The following MAD1L1 variants were observed in gnomAD, a reference collection of about 807,000 sequenced individuals.
MAD1L1 encodes the protein mitotic spindle assembly checkpoint protein MAD1.
Under a neutral mutation model 96.9 loss-of-function variants are expected in MAD1L1, and 95 were observed. That is an observed-to-expected ratio of 0.98 (90% CI 0.83 to 1.16). MAD1L1 has a LOEUF of 1.16. MAD1L1 is among the 50% of genes most tolerant of loss of function. MAD1L1 has a pLI of 0.00. For missense variants in MAD1L1, 1,007 were observed against 954.4 expected (o/e 1.06, Z -0.73); for synonymous variants, 473 against 396.6 (o/e 1.19, Z -2.29).
intron 10 of MAD1L1, among the ~76,000 whole-genome samples, chr7:2,182,508 A>G (rs182816799): frequency 6.6e-6 from 1 of 152,346 alleles, no homozygotes; most frequent in Admixed American, 6.5e-5. Flanking sequence ...AAGGTCTCAT[A>G]CAAATATCTG....
intron 17 of MAD1L1, among the ~76,000 whole-genome samples, chr7:1,907,672 G>A (rs1028035925): frequency 2.0e-5 from 3 of 152,258 alleles, no homozygotes; most frequent in Non-Finnish European, 4.4e-5. Context: ...GGTGTGGCAG[G>A]AGTGGGGGAA....
chr7:2,111,865 T>A (rs1462273355), intron 11 of MAD1L1, among the ~76,000 whole-genome samples: 1 of 152,236 alleles, frequency 6.6e-6, no homozygotes, highest in Non-Finnish European at 1.5e-5. Context: ...AGGCAATGTC[T>A]TCTGAAGTTA....
Position 1,998,173 on chromosome 7 carries a change from G to A in MAD1L1, c.1416+3892C>T, listed in dbSNP as rs529741025. On this transcript the variant is annotated intron_variant, in intron 14 of 18. Transcript: ENST00000265854. ...GCCCCCTGACCAGAACCAGATATCT[G>A]GAGAAGCCAGCACTCCAGGGGCGGC... is the stretch of plus-strand genomic sequence containing the variant. 2.0e-5 allele frequency among the ~76,000 whole-genome samples: 3 copies of A among 152,304 alleles called. No individual in the cohort carries two copies. The East Asian group carries it at 5.8e-4, about 29-fold the overall frequency.
At chr7:1,839,025 A>G (rs1783088204) in intron 18 of MAD1L1, among the ~76,000 whole-genome samples, 1 of 152,132 alleles carries the variant, frequency 6.6e-6, no homozygotes, top group African/African-American at 2.4e-5. Context: ...CCCAGCTCAT[A>G]TGGCCTGAGC....
chr7:1,815,954 T>G lies in MAD1L1; in HGVS notation c.*116A>C, dbSNP rs1377608718. 1 of 1,245,036 alleles carries G rather than the reference T, an allele frequency of 8.0e-7. No homozygotes were observed. Among genetic ancestry groups the G allele is most frequent in the East Asian group, 2.6e-5 (1 of 38,760 alleles). 77.1% of individuals were successfully genotyped at this position (1,245,036 alleles called of 1,614,324 possible). On this transcript the variant is annotated 3_prime_UTR_variant, in exon 19 of 19. Coordinates refer to ENST00000265854, the MANE Select transcript of MAD1L1 (RefSeq NM_001013836.2). ...GTCCCAGCGTGTCTGTCAGTCATGC[T>G]GCTGCCCTGTGGGGCTGGAGAGGCA...
At chr7:1,864,444 G>A (rs938365454) in intron 18 of MAD1L1, among the ~76,000 whole-genome samples, 1 of 152,326 alleles carries the variant, frequency 6.6e-6, no homozygotes, top group African/African-American at 2.4e-5. Context: ...GGCTGGATGG[G>A]TCATTATCCA....
chr7:1,897,518 C>T (rs1786956374), intron 18 of MAD1L1, among the ~76,000 whole-genome samples: 1 of 152,228 alleles, frequency 6.6e-6, no homozygotes, highest in Non-Finnish European at 1.5e-5. Context: ...GATGAACAAG[C>T]CCCTGTTGCC....
intron 11 of MAD1L1, among the ~76,000 whole-genome samples, chr7:2,102,003 C>T (rs1219556493): frequency 6.6e-6 from 1 of 152,130 alleles, no homozygotes; most frequent in East Asian, 1.9e-4. Context: ...CACACAGCCT[C>T]GCTGACCTTG....
intron 13 of MAD1L1, among the ~76,000 whole-genome samples, chr7:2,006,065 C>T (rs1486900939): frequency 6.6e-6 from 1 of 151,732 alleles, no homozygotes; most frequent in African/African-American, 2.4e-5. Context: ...TCAGGTCTGG[C>T]TTATAGACAT....
intron 12 of MAD1L1, among the ~76,000 whole-genome samples, chr7:2,049,147 C>A (rs777585995): frequency 2.0e-5 from 3 of 152,194 alleles, no homozygotes; most frequent in Non-Finnish European, 4.4e-5. Context: ...TGGGGTGAGG[C>A]GTGCATGCTT....
At chr7:2,180,993 C>A (rs1446999121) in intron 10 of MAD1L1, among the ~76,000 whole-genome samples, 1 of 152,176 alleles carries the variant, frequency 6.6e-6, no homozygotes, top group South Asian at 2.1e-4. Flanking sequence ...CTGCTTTATT[C>A]CCCTTACCGG....
chr7:2,198,843 G>GC (rs1347434734), intron 10 of MAD1L1, among the ~76,000 whole-genome samples: 2 of 152,238 alleles, frequency 1.3e-5, no homozygotes, highest in South Asian at 2.1e-4. Context: ...AAGGAACCAG[G>GC]CCCCTGCCCT....
intron 11 of MAD1L1, among the ~76,000 whole-genome samples, chr7:2,099,361 G>A (rs897002022): frequency 3.3e-5 from 5 of 152,222 alleles, no homozygotes; most frequent in Admixed American, 6.5e-5. Context: ...AGCCCCTGCC[G>A]CCTTGGCTTC....
chr7:2,193,410 A>C (rs1639909), intron 10 of MAD1L1: 103,986 of 152,690 alleles, frequency 0.68, 37,080 homozygotes, highest in African/African-American at 0.87. Flanking sequence ...CCGCCTCCGC[A>C]CCCAGCACCA....
intron 17 of MAD1L1, among the ~76,000 whole-genome samples, chr7:1,902,191 C>T (rs920923475): frequency 2.6e-5 from 4 of 152,184 alleles, no homozygotes; most frequent in Admixed American, 2.6e-4. Context: ...CCTGGAATCA[C>T]AGGAGGCAGC....
chr7:2,047,789 G>A (rs959071067), intron 12 of MAD1L1, among the ~76,000 whole-genome samples: 5 of 152,018 alleles, frequency 3.3e-5, no homozygotes, highest in African/African-American at 7.3e-5. Flanking sequence ...GCAGACACAT[G>A]CACACTCACA....
In MAD1L1 at chr7:2,152,095, G is replaced by C. The variant is rs542472695; in HGVS notation, c.987-2857C>G. ...AGTTGTCCTGCCCCAGGCAGGAACA[G>C]AGAGCATGGCTTGCCCTGAGGCAGA... is the stretch of plus-strand genomic sequence containing the variant. On this transcript the variant is annotated intron_variant, in intron 10 of 18. Coordinates refer to ENST00000265854, the MANE Select transcript of MAD1L1 (RefSeq NM_001013836.2). Among the ~76,000 whole-genome samples, 13 of 152,364 alleles carry C rather than the reference G, an allele frequency of 8.5e-5. No homozygotes were observed. In the East Asian group the frequency reaches 2.1e-3, roughly 25 times the overall value.
At chr7:2,079,080 G>A (rs543781378) in intron 11 of MAD1L1, among the ~76,000 whole-genome samples, 137 of 152,334 alleles carry the variant, frequency 9.0e-4, no homozygotes, top group Non-Finnish European at 1.7e-3. Context: ...TGAATGCCTC[G>A]CTGAAGACTC....
At chr7:2,168,216 C>A (rs1213581736) in intron 10 of MAD1L1, among the ~76,000 whole-genome samples, 1 of 151,874 alleles carries the variant, frequency 6.6e-6, no homozygotes, top group Non-Finnish European at 1.5e-5. Context: ...ACCCAGGAGG[C>A]AGAGGTTGCA....
Sources: allele counts gnomAD v4.1 joint callset (sites outside exome capture counted in the v4.1 genomes callset), GRCh38; gene constraint gnomAD v4.1.1; transcripts MANE v1.5; gene names NCBI Gene and HGNC (gene_info 2026-07-23, HGNC 2026-07-21).